The following NDUFC2 variants were observed in gnomAD, a reference collection of about 807,000 sequenced individuals.
NDUFC2 encodes NADH dehydrogenase [ubiquinone] 1 subunit C2.
Under a neutral mutation model 10.1 loss-of-function variants are expected in NDUFC2, and 2 were observed. The observed-to-expected ratio is 0.20, with a 90% confidence interval of 0.08 to 0.62. The LOEUF (loss-of-function observed/expected upper bound fraction) is 0.62, where lower values mean the gene tolerates loss of function less well. Among genes scored for constraint, NDUFC2 ranks in the 20% least tolerant of loss-of-function variants. The pLI is 0.87. For synonymous variants in NDUFC2, 61 were observed against 63.6 expected, an observed-to-expected ratio of 0.96 and a Z score of 0.20; for missense variants, 156 against 159.6, an observed-to-expected ratio of 0.98 and a Z score of 0.12.
chr11:78,079,556 G>C, intron 1 of NDUFC2, 23 bp downstream of exon 1: 1 of 1,547,340 alleles, frequency 6.5e-7, no homozygotes, highest in South Asian at 1.2e-5. Flanking sequence ...CCTCCCAGCC[G>C]ATCCCGGCCG....
At chr11:78,070,076 A>G in intron 2 of NDUFC2, 40 bp from the exon 3 acceptor site, 1 of 1,380,456 alleles carries the variant, frequency 7.2e-7, no homozygotes, top group East Asian at 2.5e-5. Flanking sequence ...TTTTAAAAAT[A>G]TGTTTTAAAA....
At chr11:78,078,795 G>GGC (rs1170003624) in intron 1 of NDUFC2, among the ~76,000 whole-genome samples, 1 of 137,928 alleles carries the variant, frequency 7.3e-6, no homozygotes, top group East Asian at 2.1e-4. Flanking sequence ...GTGCAATCTC[G>GGC]GCTTACTGCA....
Position 78,069,698 on chromosome 11 carries a change from C to T in NDUFC2, c.*289G>A, listed in dbSNP as rs575365935. The T allele has an allele frequency of 3.0e-4, 185 of 616,986 alleles. 1 individual carries two copies. The South Asian group carries it at 3.9e-3, about 13-fold the overall frequency. The allele number at this position is 616,986 out of a possible 1,614,324, so 38.2% of individuals were successfully genotyped here. A position where few individuals can be genotyped will look rare whatever the true frequency, so the allele number is the denominator to read the frequency against. On this transcript the variant is annotated 3_prime_UTR_variant, in exon 3 of 3. Transcript: ENST00000281031. ...GTAAACAAATGAGCATGGCTGTGTT[C>T]CAATGAGACTTTATTGGCAGTGGGC...
intron 1 of NDUFC2, 79 bp downstream of exon 1, chr11:78,079,500 A>T: frequency 6.7e-7 from 1 of 1,501,456 alleles, no homozygotes; most frequent in South Asian, 1.3e-5. Context: ...AGAGCACCTC[A>T]GGGGGGCCTA....
chr11:78,073,408 T>C (rs1226715578), intron 1 of NDUFC2, among the ~76,000 whole-genome samples: 1 of 151,860 alleles, frequency 6.6e-6, no homozygotes, highest in Admixed American at 6.6e-5. Context: ...AGGCGAATCA[T>C]TGGAACCTGG....
At chr11:78,073,353 G>A (rs1057483454) in intron 1 of NDUFC2, among the ~76,000 whole-genome samples, 1 of 152,034 alleles carries the variant, frequency 6.6e-6, no homozygotes, top group Non-Finnish European at 1.5e-5. Flanking sequence ...TTGGCTGGGG[G>A]TGGTGGCGGG....
chr11:78,070,778 A>G (rs1858966078), intron 2 of NDUFC2, among the ~76,000 whole-genome samples: 1 of 152,234 alleles, frequency 6.6e-6, no homozygotes, highest in African/African-American at 2.4e-5. Flanking sequence ...AATGTGGTCA[A>G]GCTCTCCGGG....
intron 1 of NDUFC2, among the ~76,000 whole-genome samples, chr11:78,078,849 C>T (rs1859369931): frequency 6.6e-6 from 1 of 150,808 alleles, no homozygotes; most frequent in Non-Finnish European, 1.5e-5. Flanking sequence ...CCTCAGCCTC[C>T]CTCAGCCTGG....
chr11:78,079,120 A>AAAAAC (rs1008326420), intron 1 of NDUFC2, among the ~76,000 whole-genome samples: 4 of 151,452 alleles, frequency 2.6e-5, no homozygotes, highest in African/African-American at 9.7e-5. Context: ...GGTCAAAAAA[A>AAAAAC]AAAAAAACCA....
chr11:78,074,020 C>T (rs1859136969), intron 1 of NDUFC2, among the ~76,000 whole-genome samples: 1 of 150,426 alleles, frequency 6.6e-6, no homozygotes, highest in Admixed American at 6.6e-5. Flanking sequence ...CAAAAGCGTG[C>T]ACCACCATGC....
rs182464889 is a variant in NDUFC2 at position 78,071,776 on chromosome 11, T to C, written c.310+1222A>G. Among the ~76,000 whole-genome samples the C allele has an allele frequency of 3.9e-5, 6 of 152,086 alleles. No individual in the cohort carries two copies. In the East Asian group the frequency reaches 9.6e-4, roughly 24 times the overall value. On this transcript the variant is annotated intron_variant, in intron 2 of 2. Transcript: ENST00000281031. ...TCACTGAGATAATAAAAGCAGAAAT[T>C]TGCTAGGTGGATGGGGTGGAAACAG... is the stretch of plus-strand genomic sequence containing the variant.
rs537216727 is a variant in NDUFC2, at chr11:78,073,981, C to T, written c.167-840G>A. 2.0e-5 allele frequency among the ~76,000 whole-genome samples: 3 copies of T among 151,834 alleles called. No homozygotes were observed. The South Asian group carries it at 6.2e-4, about 32-fold the overall frequency. ...CAACCTCCTAGGCTCAAGCAATCCT[C>T]TCACCTCAGCTTCCCAAGTAGCTGG... On this transcript the variant is annotated intron_variant, in intron 1 of 2. Transcript: ENST00000281031.
intron 2 of NDUFC2, among the ~76,000 whole-genome samples, chr11:78,070,369 C>G (rs1418286519): frequency 6.6e-6 from 1 of 152,118 alleles, no homozygotes; most frequent in Non-Finnish European, 1.5e-5. Context: ...ACCAACTGTG[C>G]TGGTACCCTG....
In NDUFC2 at chr11:78,069,350, A is replaced by G. The variant is rs944987103; in HGVS notation, c.*637T>C. 2.0e-5 allele frequency: 3 copies of G among 153,068 alleles called. No homozygotes were observed. The highest frequency in any genetic ancestry group is 4.4e-5 in the Non-Finnish European group (3 of 68,780). 9.5% of individuals were successfully genotyped at this position (153,068 alleles called of 1,614,324 possible). A position where few individuals can be genotyped will look rare whatever the true frequency, so the allele number is the denominator to read the frequency against. ...AGCAAAGACAACTTGGCAACATAAGATTTCTGTTTTCCTTGTCTGGAGTCT... is the reference window on the plus strand; with the variant it reads ...AGCAAAGACAACTTGGCAACATAAGGTTTCTGTTTTCCTTGTCTGGAGTCT... On this transcript the variant is annotated 3_prime_UTR_variant, in exon 3 of 3. Transcript: ENST00000281031.
intron 2 of NDUFC2, 82 bp from the exon 3 acceptor site, chr11:78,070,118 C>G: frequency 1.0e-6 from 1 of 983,710 alleles, no homozygotes; most frequent in South Asian, 1.5e-5. Flanking sequence ...TTAACACTCA[C>G]TAATCTTATG....
In NDUFC2 at chr11:78,069,621, T is replaced by A. The variant is rs1441524821; in HGVS notation, c.*366A>T. 2.0e-6 allele frequency: 1 copy of A among 508,684 alleles called. No individual in the cohort carries two copies. Among genetic ancestry groups the A allele is most frequent in the East Asian group, 3.3e-5 (1 of 29,936 alleles). 31.5% of individuals were successfully genotyped at this position (508,684 alleles called of 1,614,324 possible). ...AGGCTTTGCAGGCCATAGGTCTCTA[T>A]CACAACTACTCAATTCTGCTCTTGC... On this transcript the variant is annotated 3_prime_UTR_variant, in exon 3 of 3. Transcript: ENST00000281031.
chr11:78,069,392 CTTCTATATCA>C lies in NDUFC2; in HGVS notation c.*585_*594del, dbSNP rs1385549048. On this transcript the variant is annotated 3_prime_UTR_variant, in exon 3 of 3. Transcript: ENST00000281031. Reference sequence around the variant, plus strand: ...CTGGAGTCTCCTCCTTCGAAACCACCTTCTATATCATTCATTATAGACAGCTCAGAAATAC... The same window carrying C: ...CTGGAGTCTCCTCCTTCGAAACCACCTTCATTATAGACAGCTCAGAAATAC... 1 of 153,782 alleles carries C rather than the reference CTTCTATATCA, an allele frequency of 6.5e-6. No homozygotes were observed. Among genetic ancestry groups the C allele is most frequent in the Non-Finnish European group, 1.4e-5 (1 of 69,294 alleles). 9.5% of individuals were successfully genotyped at this position (153,782 alleles called of 1,614,324 possible).
chr11:78,072,779 T>G (rs1590778847), intron 2 of NDUFC2: 2 of 615,060 alleles, frequency 3.3e-6, no homozygotes, highest in Non-Finnish European at 5.5e-6. Context: ...GAGCAGGAGG[T>G]TTGGGAAGGC....
chr11:78,068,833 C>A lies in NDUFC2; in HGVS notation c.*1154G>T. ...ATATACTTTATCTCCAAAACCTAAT[C>A]TGATTATAAATTCTAAGCTAGGAAA... On this transcript the variant is annotated 3_prime_UTR_variant, in exon 3 of 3. Transcript: ENST00000281031. 6.6e-6 allele frequency: 1 copy of A among 150,878 alleles called. No homozygotes were observed. Among genetic ancestry groups the A allele is most frequent in the Non-Finnish European group, 1.5e-5 (1 of 67,834 alleles). The allele number at this position is 150,878 out of a possible 1,614,324, so 9.3% of individuals were successfully genotyped here.
Sources: allele counts gnomAD v4.1 joint callset (sites outside exome capture counted in the v4.1 genomes callset), GRCh38; gene constraint gnomAD v4.1.1; transcripts MANE v1.5; gene names NCBI Gene and HGNC (gene_info 2026-07-23, HGNC 2026-07-21).